The following IMMP2L variants were observed in gnomAD, a reference collection of about 807,000 sequenced individuals.
The protein encoded by IMMP2L is inner mitochondrial membrane peptidase subunit 2, also known as mitochondrial inner membrane protease subunit 2.
In IMMP2L, 18 loss-of-function variants were observed where a neutral mutation model predicts 19.3. The ratio of observed to expected loss-of-function variants is 0.93; its 90% CI spans 0.64 to 1.38. The LOEUF (loss-of-function observed/expected upper bound fraction) is 1.38, where lower values mean the gene tolerates loss of function less well. Among genes scored for constraint, IMMP2L ranks in the 40% most tolerant of loss-of-function variants. IMMP2L has a pLI of 0.00. For synonymous variants in IMMP2L, 76 were observed against 73.0 expected (o/e 1.04, Z -0.21); for missense variants, 233 against 218.2 (o/e 1.07, Z -0.43).
intron 3 of IMMP2L, among the ~76,000 whole-genome samples, chr7:111,339,041 T>TA (rs1208845694): frequency 6.6e-6 from 1 of 152,088 alleles, no homozygotes; most frequent in Non-Finnish European, 1.5e-5. Flanking sequence ...TAAATTACTG[T>TA]AAAAACACTT....
chr7:111,155,545 A>T (rs1009405362), intron 3 of IMMP2L, among the ~76,000 whole-genome samples: 121 of 151,950 alleles, frequency 8.0e-4, no homozygotes, highest in African/African-American at 2.7e-3. Context: ...GTCAATAAAA[A>T]TTTTTTCACT....
intron 4 of IMMP2L, among the ~76,000 whole-genome samples, chr7:110,937,198 T>G (rs1480128678): frequency 6.6e-6 from 1 of 152,032 alleles, no homozygotes; most frequent in Non-Finnish European, 1.5e-5. Context: ...AATTAAAGTA[T>G]AATAGAAAAA....
chr7:111,281,200 AAGAAAGAAAGAAAGAAAAAG>A (rs1295542804), intron 3 of IMMP2L, among the ~76,000 whole-genome samples: 79 of 50,488 alleles, frequency 1.6e-3, no homozygotes, highest in African/African-American at 2.8e-3. Context: ...GAAAGAAAGA[AAGAAAGAAAGAAAGAAAAAG>A]AAAGAAAGAA....
rs867236604 is a variant in IMMP2L at position 111,439,752 on chromosome 7, T to C, written c.239+47486A>G. Reference sequence around the variant, plus strand: ...AAGACAATGAAGCTTGCTGCATCAATTGGCTCTTCTCTTCATGAAAGATTT... The same window carrying C: ...AAGACAATGAAGCTTGCTGCATCAACTGGCTCTTCTCTTCATGAAAGATTT... On this transcript the variant is annotated intron_variant, in intron 3 of 5. Coordinates refer to ENST00000405709, the MANE Select transcript of IMMP2L (RefSeq NM_032549.4). 2.6e-5 allele frequency among the ~76,000 whole-genome samples: 4 copies of C among 152,006 alleles called. No homozygotes were observed. The Middle Eastern group carries it at 0.01, about 388-fold the overall frequency.
intron 5 of IMMP2L, among the ~76,000 whole-genome samples, chr7:110,882,366 T>G: frequency 7.3e-6 from 1 of 137,710 alleles, no homozygotes; most frequent in Non-Finnish European, 1.5e-5. Flanking sequence ...CCTCTCTCTC[T>G]CTCTCTCTCC....
At chr7:111,485,942 G>A (rs1842622319) in intron 3 of IMMP2L, among the ~76,000 whole-genome samples, 1 of 151,928 alleles carries the variant, frequency 6.6e-6, no homozygotes, top group Admixed American at 6.6e-5. Flanking sequence ...CACTTGGGTG[G>A]GTATCCTTTC....
chr7:110,886,724 T>A, intron 4 of IMMP2L, 29 bp from the exon 5 acceptor site: 1 of 1,098,176 alleles, frequency 9.1e-7, no homozygotes, highest in Non-Finnish European at 1.4e-6. Context: ...ACCACTGAGA[T>A]ATGAGTAGAA....
intron 3 of IMMP2L, among the ~76,000 whole-genome samples, chr7:111,420,485 C>A (rs1835387885): frequency 2.0e-5 from 3 of 151,650 alleles, no homozygotes; most frequent in Admixed American, 2.0e-4. Flanking sequence ...TATGCATGTG[C>A]CATCTTGGTT....
At chr7:111,359,089 G>C (rs1829006671) in intron 3 of IMMP2L, among the ~76,000 whole-genome samples, 1 of 152,054 alleles carries the variant, frequency 6.6e-6, no homozygotes, top group South Asian at 2.1e-4. Context: ...TTGCCAAGCC[G>C]ATACACTGGC....
intron 3 of IMMP2L, among the ~76,000 whole-genome samples, chr7:111,408,653 T>A (rs1275501085): frequency 6.6e-6 from 1 of 151,778 alleles, no homozygotes; most frequent in African/African-American, 2.4e-5. Flanking sequence ...AGTAAGCCAA[T>A]ATGAATGAAA....
intron 3 of IMMP2L, among the ~76,000 whole-genome samples, chr7:111,337,309 A>T (rs953368345): frequency 2.0e-5 from 3 of 152,162 alleles, no homozygotes; most frequent in African/African-American, 7.2e-5. Flanking sequence ...TTATTTGAAG[A>T]TATAAAAATT....
chr7:111,342,590 C>CA lies in IMMP2L; in HGVS notation c.239+144647dup, dbSNP rs200922479. 6.1e-3 allele frequency among the ~76,000 whole-genome samples: 904 copies of CA among 148,300 alleles called. 5 individuals carry two copies. Among genetic ancestry groups the CA allele is most frequent in the Non-Finnish European group, 8.9e-3 (599 of 67,186 alleles). The stretch of plus-strand genomic sequence containing the variant: ...CTGGCGACAGAGTGAGACTCCATCT[C>CA]AAAAAAAAAGAATAAAGGTCATATA... On this transcript the variant is annotated intron_variant, in intron 3 of 5. Transcript: ENST00000405709.
chr7:111,009,597 T>C (rs967150120), intron 3 of IMMP2L, among the ~76,000 whole-genome samples: 11 of 152,198 alleles, frequency 7.2e-5, no homozygotes, highest in Non-Finnish European at 1.5e-4. Flanking sequence ...ATGAGAAAAT[T>C]TTAAATTTTG....
intron 3 of IMMP2L, among the ~76,000 whole-genome samples, chr7:111,315,016 T>C (rs892719482): frequency 5.9e-5 from 9 of 152,260 alleles, no homozygotes; most frequent in African/African-American, 2.2e-4. Context: ...GAGGAAAATA[T>C]TTTAAAAGTA....
At chr7:110,829,578 C>T (rs1450990791) in intron 5 of IMMP2L, among the ~76,000 whole-genome samples, 1 of 151,920 alleles carries the variant, frequency 6.6e-6, no homozygotes, top group Non-Finnish European at 1.5e-5. Context: ...CAGATAAATG[C>T]CTTATTCTTA....
At chr7:111,377,415 G>A (rs1284117798) in intron 3 of IMMP2L, among the ~76,000 whole-genome samples, 1 of 151,546 alleles carries the variant, frequency 6.6e-6, no homozygotes, top group Admixed American at 6.6e-5. Context: ...CTATAGTACA[G>A]CTCTATAGTA....
chr7:111,485,589 CTCTGTT>C (rs1842568941), intron 3 of IMMP2L, among the ~76,000 whole-genome samples: 1 of 83,660 alleles, frequency 1.2e-5, no homozygotes, highest in South Asian at 5.0e-4. Context: ...CAGAGCGAGA[CTCTGTT>C]TCAAAAAAAA....
At chr7:110,736,358 G>A (rs556375602) in intron 5 of IMMP2L, among the ~76,000 whole-genome samples, 1 of 152,186 alleles carries the variant, frequency 6.6e-6, no homozygotes, top group Admixed American at 6.5e-5. Flanking sequence ...TATAGGGCTG[G>A]GGATGCCGAA....
At chr7:111,344,526 C>T (rs1442267901) in intron 3 of IMMP2L, among the ~76,000 whole-genome samples, 2 of 152,118 alleles carry the variant, frequency 1.3e-5, no homozygotes, top group African/African-American at 2.4e-5. Flanking sequence ...ATAGATAGAG[C>T]CATGTCTGGC....
Sources: gnomAD v4.1 joint callset for allele counts (sites outside exome capture counted in the v4.1 genomes callset) on GRCh38, gnomAD v4.1.1 for gene constraint, MANE v1.5 for transcripts, NCBI Gene and HGNC (gene_info 2026-07-23, HGNC 2026-07-21) for gene names.